The following GALNS variants were observed in gnomAD, a reference collection of about 807,000 sequenced individuals.
GALNS encodes N-acetylgalactosamine-6-sulfatase.
In GALNS, 65 loss-of-function variants were observed where a neutral mutation model predicts 65.9. The ratio of observed to expected loss-of-function variants is 0.99; its 90% confidence interval spans 0.81 to 1.21. The LOEUF (loss-of-function observed/expected upper bound fraction) is 1.21. GALNS is among the 50% of genes most tolerant of loss of function. The pLI is 0.00. For missense variants in GALNS, 776 were observed against 700.7 expected, an observed-to-expected ratio of 1.11 and a Z score of -1.21; for synonymous variants, 346 against 288.9, an observed-to-expected ratio of 1.20 and a Z score of -2.00.
intron 13 of GALNS, chr16:88,815,592 G>C (rs1156429651): frequency 2.0e-6 from 2 of 985,380 alleles, no homozygotes; most frequent in Non-Finnish European, 2.4e-6. Context: ...GCTGAAATGA[G>C]TGCAGTTTGG....
At chr16:88,840,499 A>C (rs530371643) in intron 4 of GALNS, 216 of 236,612 alleles carry the variant, frequency 9.1e-4, no homozygotes, top group Non-Finnish European at 9.8e-4. Flanking sequence ...GCTGTGTAGC[A>C]CCCAAGCTCT....
At chr16:88,825,604 G>A in intron 10 of GALNS, among the ~76,000 whole-genome samples, 1 of 148,118 alleles carries the variant, frequency 6.8e-6, no homozygotes, top group East Asian at 2.1e-4. Flanking sequence ...CTGGGTGTCT[G>A]GGGTGCCTGG....
chr16:88,855,213 C>T (rs1567548228), intron 1 of GALNS: 1 of 694,734 alleles, frequency 1.4e-6, no homozygotes, highest in Non-Finnish European at 2.6e-6. Context: ...TATTCATGAG[C>T]TGCCCCGCCT....
chr16:88,847,294 T>G (rs1380622935), intron 1 of GALNS, among the ~76,000 whole-genome samples: 1 of 152,098 alleles, frequency 6.6e-6, no homozygotes, highest in Admixed American at 6.5e-5. Flanking sequence ...TCCCCTGAGC[T>G]CAGGAGGCAG....
At position 88,835,147 on chromosome 16, in the gene GALNS, G is replaced by A. The variant is rs1003734262; in HGVS notation, c.898+66C>T. On this transcript the variant is annotated intron_variant, in intron 8 of 13. Transcript: ENST00000268695. ...ACCACAGACCCCGTGGGCACAGCCG[G>A]TCCAGGCACTCTTCGCTGACACGCT... 23 of 1,547,636 alleles carry A rather than the reference G, an allele frequency of 1.5e-5. No individual in the cohort carries two copies. In the African/African-American group the frequency reaches 3.0e-4, roughly 20 times the overall value.
Position 88,835,348 on chromosome 16 carries a change from C to T in GALNS, c.763G>A (p.Gly255Arg), listed in dbSNP as rs1336648211. The T allele has an allele frequency of 6.2e-7, 1 of 1,613,502 alleles. No individual in the cohort carries two copies. The highest frequency in any genetic ancestry group is 1.3e-5 in the African/African-American group (1 of 74,898). The change falls in exon 8 of 14, where the codon GGA becomes AGA. Residue 255 changes from glycine (G) to arginine (R), a missense_variant. Gly to Arg is a moderately radical substitution (Grantham distance 125). Coordinates refer to ENST00000268695, the MANE Select transcript of GALNS (RefSeq NM_000512.5). ...TCATCAATCTCCCGGACGGCGTCTC[C>T]ATACCTGCAGGATGGTGACAAAAGG... Reference protein sequence around the residue: ...FLGTSQRGRYGDAVREIDDSI... With the variant: ...FLGTSQRGRYRDAVREIDDSI...
chr16:88,819,243 T>C (rs1260585413), intron 12 of GALNS, among the ~76,000 whole-genome samples: 1 of 145,946 alleles, frequency 6.9e-6, no homozygotes, highest in African/African-American at 2.5e-5. Flanking sequence ...CACTCCCTGC[T>C]TAGGCCTCAG....
Position 88,825,118 on chromosome 16 carries a change from T to C in GALNS, c.1140-249A>G, listed in dbSNP as rs866714977. On this transcript the variant is annotated intron_variant, in intron 10 of 13. Transcript: ENST00000268695. ...TGGGTATCTGGGGCGCCTGGGTGTC[T>C]GGGGCTGGGGTGTCTGGGCGGCCGG... 2.7e-3 allele frequency among the ~76,000 whole-genome samples: 286 copies of C among 107,108 alleles called. 1 individual carries two copies. The highest frequency in any genetic ancestry group is 0.013 in the African/African-American group (255 of 20,316). The allele number at this position is 107,108 out of a possible 152,430, so 70.3% of individuals were successfully genotyped here. A position where few individuals can be genotyped will look rare whatever the true frequency, so the allele number is the denominator to read the frequency against.
chr16:88,843,294 T>C lies in GALNS; in HGVS notation c.121-465A>G. 3 of 1,087,316 alleles carry C rather than the reference T, an allele frequency of 2.8e-6. No individual in the cohort carries two copies. In the South Asian group the frequency reaches 4.3e-5, roughly 15 times the overall value. The allele number at this position is 1,087,316 out of a possible 1,614,324, so 67.4% of individuals were successfully genotyped here. A position where few individuals can be genotyped will look rare whatever the true frequency, so the allele number is the denominator to read the frequency against. On this transcript the variant is annotated intron_variant, in intron 1 of 13. Coordinates refer to ENST00000268695, the MANE Select transcript of GALNS (RefSeq NM_000512.5). ...CTGTCCCCCAGAAGCCCAGTTATCG[T>C]GTGACCCTGCAGTTCCACGCTGCAA...
At chr16:88,846,841 C>T (rs1021425974) in intron 1 of GALNS, among the ~76,000 whole-genome samples, 14 of 152,086 alleles carry the variant, frequency 9.2e-5, no homozygotes, top group Admixed American at 3.9e-4. Flanking sequence ...TGTGCCCGGC[C>T]GTGTTTCTGT....
At chr16:88,832,353 C>T (rs1177043215) in intron 8 of GALNS, among the ~76,000 whole-genome samples, 1 of 152,206 alleles carries the variant, frequency 6.6e-6, no homozygotes, top group African/African-American at 2.4e-5. Context: ...CATACGGTGT[C>T]AGCAAGACTC....
chr16:88,848,333 C>T (rs1351340856), intron 1 of GALNS, among the ~76,000 whole-genome samples: 2 of 152,090 alleles, frequency 1.3e-5, no homozygotes, highest in Non-Finnish European at 2.9e-5. Flanking sequence ...AGTAAAGCGG[C>T]TATAAAAGAA....
intron 1 of GALNS, among the ~76,000 whole-genome samples, chr16:88,853,936 G>A (rs553900095): frequency 2.6e-5 from 4 of 152,304 alleles, no homozygotes; most frequent in South Asian, 4.1e-4. Flanking sequence ...GTTCTCTCCC[G>A]GGTCAGTGTG....
intron 1 of GALNS, among the ~76,000 whole-genome samples, chr16:88,854,068 C>A (rs1207373445): frequency 6.6e-6 from 1 of 152,242 alleles, no homozygotes; most frequent in African/African-American, 2.4e-5. Flanking sequence ...TGCCCAGCCA[C>A]AGAGGACTGG....
chr16:88,832,203 G>T, intron 8 of GALNS, 102 bp from the exon 9 acceptor site: 1 of 1,071,222 alleles, frequency 9.3e-7, no homozygotes, highest in Non-Finnish European at 1.4e-6. Flanking sequence ...GGGACAAAGG[G>T]CCCGGCCAAG....
At chr16:88,819,197 G>A (rs1340210701) in intron 12 of GALNS, among the ~76,000 whole-genome samples, 17 of 99,398 alleles carry the variant, frequency 1.7e-4, no homozygotes, top group Admixed American at 4.2e-4. Flanking sequence ...CCCCACCCCC[G>A]GCCACCTGCC....
At chr16:88,840,058 T>G (rs549326014) in intron 4 of GALNS, among the ~76,000 whole-genome samples, 5 of 152,280 alleles carry the variant, frequency 3.3e-5, no homozygotes, top group African/African-American at 1.2e-4. Context: ...GGGCCCAACC[T>G]CCCTGTGTGA....
At chr16:88,829,811 G>A (rs1911298736) in intron 9 of GALNS, among the ~76,000 whole-genome samples, 1 of 152,266 alleles carries the variant, frequency 6.6e-6, no homozygotes, top group South Asian at 2.1e-4. Flanking sequence ...TGGGCCTTCA[G>A]GCGCGCGACC....
At chr16:88,823,517 C>T (rs1214523371) in intron 11 of GALNS, among the ~76,000 whole-genome samples, 2 of 146,624 alleles carry the variant, frequency 1.4e-5, no homozygotes, top group Admixed American at 6.8e-5. Flanking sequence ...CCAGGACGGC[C>T]CTCGCAGGCG....
Sources: gnomAD v4.1 joint callset for allele counts (sites outside exome capture counted in the v4.1 genomes callset) on GRCh38, gnomAD v4.1.1 for gene constraint, MANE v1.5 for transcripts, NCBI Gene and HGNC (gene_info 2026-07-23, HGNC 2026-07-21) for gene names.